The following FAM53B variants were observed in gnomAD, a reference collection of about 807,000 sequenced individuals.
FAM53B encodes the protein protein FAM53B.
In FAM53B, 12 loss-of-function variants were observed where a neutral mutation model predicts 32.7. That is an observed-to-expected ratio of 0.37 (90% CI 0.24 to 0.59). FAM53B has a LOEUF of 0.59. Among genes scored for constraint, FAM53B ranks in the 20% least tolerant of loss-of-function variants. The pLI, the probability that FAM53B is intolerant of heterozygous loss-of-function variation, is 0.72. For synonymous variants in FAM53B, 234 were observed against 228.7 expected (o/e 1.02, Z -0.21); for missense variants, 477 against 577.7 (o/e 0.83, Z 1.79).
intron 1 of FAM53B, among the ~76,000 whole-genome samples, chr10:124,725,070 CAAA>C (rs1950093482): frequency 6.6e-6 from 1 of 152,136 alleles, no homozygotes; most frequent in South Asian, 2.1e-4. Flanking sequence ...CACTCCTTGA[CAAA>C]ACAAAACTGT....
At chr10:124,629,223 G>A (rs926217087) in intron 4 of FAM53B, among the ~76,000 whole-genome samples, 1 of 152,114 alleles carries the variant, frequency 6.6e-6, no homozygotes, top group Non-Finnish European at 1.5e-5. Context: ...GCCTCTCCTC[G>A]GTTAGTCGGT....
rs577070798 is a variant in FAM53B, at chr10:124,724,349, A to G, written c.-174-17462T>C. 2.6e-5 allele frequency among the ~76,000 whole-genome samples: 4 copies of G among 152,300 alleles called. No individual in the cohort carries two copies. In the South Asian group the frequency reaches 8.3e-4, roughly 32 times the overall value. ...GTGGAAGGAGCCTCAGGATGCCCAG[A>G]CAGGTCAGCTGCCACAACATCGGCC... On this transcript the variant is annotated intron_variant, in intron 1 of 4. Transcript: ENST00000337318.
intron 1 of FAM53B, among the ~76,000 whole-genome samples, chr10:124,739,469 C>T (rs1030615146): frequency 2.6e-5 from 4 of 152,208 alleles, no homozygotes; most frequent in African/African-American, 7.2e-5. Context: ...ATTATACTAG[C>T]GCAGGGGAAG....
chr10:124,739,982 A>G (rs948276412), intron 1 of FAM53B, among the ~76,000 whole-genome samples: 1 of 152,190 alleles, frequency 6.6e-6, no homozygotes, highest in Non-Finnish European at 1.5e-5. Flanking sequence ...AAACGACAAG[A>G]AAAACCCAAG....
intron 4 of FAM53B, among the ~76,000 whole-genome samples, chr10:124,657,085 T>G (rs1392925808): frequency 9.2e-6 from 1 of 108,176 alleles, no homozygotes; most frequent in Non-Finnish European, 2.0e-5. Context: ...TATATATGTG[T>G]GTGTATATAT....
chr10:124,652,252 C>T (rs192650196), intron 4 of FAM53B, among the ~76,000 whole-genome samples: 2 of 152,244 alleles, frequency 1.3e-5, no homozygotes, highest in Admixed American at 6.5e-5. Flanking sequence ...ACCATAATAC[C>T]AGGGCTTAGG....
chr10:124,646,646 G>A (rs552991874), intron 4 of FAM53B, among the ~76,000 whole-genome samples: 54 of 152,268 alleles, frequency 3.5e-4, no homozygotes, highest in African/African-American at 1.1e-3. Flanking sequence ...ACCCTGTGAC[G>A]CTCTTTTGCC....
chr10:124,701,254 T>C (rs1949913332), intron 2 of FAM53B, among the ~76,000 whole-genome samples: 1 of 152,236 alleles, frequency 6.6e-6, no homozygotes, highest in South Asian at 2.1e-4. Flanking sequence ...CCCAGGCAAC[T>C]GGGTGCAAGG....
Position 124,682,568 on chromosome 10 carries a change from G to C in FAM53B, c.134-189C>G, listed in dbSNP as rs1309183231. 6.6e-6 allele frequency among the ~76,000 whole-genome samples: 1 copy of C among 152,146 alleles called. No homozygotes were observed. The highest frequency in any genetic ancestry group is 1.5e-5 in the Non-Finnish European group (1 of 68,028). On this transcript the variant is annotated intron_variant, in intron 3 of 4. Coordinates refer to ENST00000337318, the MANE Select transcript of FAM53B (RefSeq NM_014661.4). The surrounding 1 kb of genome is among the most constrained non-coding windows in gnomAD (Gnocchi z 5.2). ...TGAGAGAGGAGAAGTGAATCCCAAGGCTTTGAGTTGGAAGTTGGAAGCAGA... is the reference window on the plus strand; with the variant it reads ...TGAGAGAGGAGAAGTGAATCCCAAGCCTTTGAGTTGGAAGTTGGAAGCAGA...
At position 124,651,974 on chromosome 10, in the gene FAM53B, G is replaced by C. The variant is rs553681229; in HGVS notation, c.907-28370C>G. On this transcript the variant is annotated intron_variant, in intron 4 of 4. Transcript: ENST00000337318. This position sits in a 1 kb window ranked among gnomAD's most constrained non-coding sequence, Gnocchi z 5.2. ...TGCTCTCCTGAGCAATGTGAACTCA[G>C]GGGCCAGGAAGCGAGGCCCCTGCCC... Among the ~76,000 whole-genome samples, 1 of 152,204 alleles carries C rather than the reference G, an allele frequency of 6.6e-6. No homozygotes were observed. Among genetic ancestry groups the C allele is most frequent in the Non-Finnish European group, 1.5e-5 (1 of 68,034 alleles).
At chr10:124,626,143 G>C (rs1218631382) in intron 4 of FAM53B, among the ~76,000 whole-genome samples, 1 of 152,382 alleles carries the variant, frequency 6.6e-6, no homozygotes, top group South Asian at 2.1e-4. Flanking sequence ...TGTCATGTGA[G>C]GGGCCTGGGG....
chr10:124,657,084 G>A (rs12570950), intron 4 of FAM53B, among the ~76,000 whole-genome samples: 8 of 134,324 alleles, frequency 6.0e-5, no homozygotes, highest in Non-Finnish European at 1.1e-4. Context: ...ATATATATGT[G>A]TGTGTATATA....
chr10:124,711,690 C>A (rs773855489), intron 1 of FAM53B, among the ~76,000 whole-genome samples: 2 of 152,104 alleles, frequency 1.3e-5, no homozygotes, highest in African/African-American at 4.8e-5. Flanking sequence ...AGGGGAGGAA[C>A]GTGTGTGTGG....
rs546348930 is a variant in FAM53B at position 124,626,374 on chromosome 10, C to T, written c.907-2770G>A. On this transcript the variant is annotated intron_variant, in intron 4 of 4. Transcript: ENST00000337318. Reference sequence around the variant, plus strand: ...GGTCTCGGCACTAACCGTGGTGCTACGGTCGAAATTTGTGCCCCCCCCCCC... The same window carrying T: ...GGTCTCGGCACTAACCGTGGTGCTATGGTCGAAATTTGTGCCCCCCCCCCC... Among the ~76,000 whole-genome samples the T allele has an allele frequency of 4.2e-4, 43 of 101,242 alleles. No individual in the cohort carries two copies. In the South Asian group the frequency reaches 4.7e-3, roughly 11 times the overall value. 66.4% of individuals were successfully genotyped at this position (101,242 alleles called of 152,430 possible).
intron 4 of FAM53B, among the ~76,000 whole-genome samples, chr10:124,666,755 A>G (rs1207187928): frequency 6.6e-6 from 1 of 152,242 alleles, no homozygotes; most frequent in African/African-American, 2.4e-5. Context: ...TCAGAGAAAC[A>G]GTGAACTCCC....
intron 4 of FAM53B, among the ~76,000 whole-genome samples, chr10:124,648,012 GGGGACGCCATGGGGCTGGCT>G (rs1272782789): frequency 6.6e-6 from 1 of 152,198 alleles, no homozygotes; most frequent in African/African-American, 2.4e-5. Flanking sequence ...GAAATGCACT[GGGGACGCCATGGGGCTGGCT>G]GAGGCCTCAC....
At chr10:124,669,250 C>T (rs746728940) in intron 4 of FAM53B, among the ~76,000 whole-genome samples, 12 of 152,252 alleles carry the variant, frequency 7.9e-5, no homozygotes, top group Non-Finnish European at 1.8e-4. Context: ...CCACACACCT[C>T]CGCTCAGTGT....
At chr10:124,731,035 A>G (rs952259677) in intron 1 of FAM53B, among the ~76,000 whole-genome samples, 1 of 152,250 alleles carries the variant, frequency 6.6e-6, no homozygotes, top group Non-Finnish European at 1.5e-5. Context: ...TCACCAGGCT[A>G]TAGTTTGCCA....
intron 3 of FAM53B, among the ~76,000 whole-genome samples, chr10:124,689,195 T>G (rs966279931): frequency 1.3e-5 from 2 of 152,098 alleles, no homozygotes; most frequent in Non-Finnish European, 2.9e-5. Context: ...AACCCATCAA[T>G]GGGAAAATCA....
Sources: allele counts gnomAD v4.1 joint callset (sites outside exome capture counted in the v4.1 genomes callset), GRCh38; gene constraint gnomAD v4.1.1; non-coding constraint Gnocchi (gnomAD v3.1); transcripts MANE v1.5; gene names NCBI Gene and HGNC (gene_info 2026-07-23, HGNC 2026-07-21).